PDE4A: variants seen among roughly 807,000 people sequenced by gnomAD.
The protein encoded by PDE4A is phosphodiesterase 4A.
PDE4A carries 21 observed loss-of-function variants against 73.9 expected under a neutral mutation model. The observed-to-expected ratio is 0.28, with a 90% CI of 0.20 to 0.41. The LOEUF is 0.41. Ranked by LOEUF, PDE4A falls within the 10% of genes least tolerant of loss-of-function variation. The pLI, the probability that PDE4A is intolerant of heterozygous loss-of-function variation, is 1.00. For missense variants in PDE4A, 958 were observed against 1,211.4 expected (o/e 0.79, Z 3.10); for synonymous variants, 463 against 505.4 (o/e 0.92, Z 1.13).
intron 3 of PDE4A, 22 bp downstream of exon 3, chr19:10,448,975 T>A (rs199577738): frequency 1.2e-6 from 2 of 1,613,002 alleles, no homozygotes; most frequent in Admixed American, 3.3e-5. Flanking sequence ...TCCCAAATGG[T>A]TAAGGAGAGA....
rs770031766 is a variant in PDE4A at position 10,467,361 on chromosome 19, G to A, written c.2401G>A (p.Glu801Lys). 12 of 1,614,072 alleles carry A rather than the reference G, an allele frequency of 7.4e-6. No homozygotes were observed. The highest frequency in any genetic ancestry group is 1.0e-5 in the Non-Finnish European group (12 of 1,180,044). The change falls in exon 15 of 15, where the codon GAA becomes AAA. Residue 801 changes from glutamate to lysine, a missense_variant. This residue lies in a region of PDE4A where 243 missense variants were observed against 245.9 expected (regional missense o/e 0.99). Transcript: ENST00000380702. The stretch of plus-strand genomic sequence containing the variant: ...TCCGGATGAGTTCTCGTCCCGGGAG[G>A]AATTCGTGGTTGCTGTAAGCCACAG... ...VAPDEFSSRE[E>K]FVVAVSHSSP... is the part of the protein sequence containing the mutation.
chr19:10,464,121 G>A (rs1285563563), intron 14 of PDE4A, 146 bp downstream of exon 14: 6 of 1,060,146 alleles, frequency 5.7e-6, no homozygotes, highest in East Asian at 2.6e-5. Context: ...TTTTTGAGAC[G>A]GAGTCTCATT....
chr19:10,464,324 C>T, intron 14 of PDE4A: 1 of 454,838 alleles, frequency 2.2e-6, no homozygotes, highest in Non-Finnish European at 4.4e-6. Flanking sequence ...TCTTGAACTC[C>T]TGACCTTGTG....
At chr19:10,419,171 G>A (rs2042616221), upstream of PDE4A, 1 of 821,836 alleles carries the variant, frequency 1.2e-6, no homozygotes, top group Non-Finnish European at 1.5e-6. Context: ...GGGGGCAGGG[G>A]TCTGGTCCCC....
At chr19:10,448,034 T>C (rs1269293146) in intron 2 of PDE4A, among the ~76,000 whole-genome samples, 1 of 152,062 alleles carries the variant, frequency 6.6e-6, no homozygotes, top group South Asian at 2.1e-4. Context: ...GGCAGAAGGA[T>C]TGCTTGAGCT....
chr19:10,434,501 C>T (rs538318581), intron 1 of PDE4A, among the ~76,000 whole-genome samples: 1 of 152,070 alleles, frequency 6.6e-6, no homozygotes, highest in Admixed American at 6.6e-5. Flanking sequence ...AGCCACCGTG[C>T]CTGGCCTCAG....
chr19:10,459,319 CA>C (rs1400847693), intron 8 of PDE4A, 80 bp from the exon 9 acceptor site: 1 of 1,601,436 alleles, frequency 6.2e-7, no homozygotes, highest in Non-Finnish European at 8.5e-7. Flanking sequence ...TCCTTCAGAC[CA>C]AGGCTTCAAA....
chr19:10,461,808 A>T, intron 12 of PDE4A, 69 bp from the exon 13 acceptor site: 2 of 1,583,164 alleles, frequency 1.3e-6, no homozygotes, highest in African/African-American at 1.3e-5. Context: ...ACCTGGTGAA[A>T]ACTTCAGAGG....
At chr19:10,456,482 C>T (rs1427107182) in intron 7 of PDE4A, among the ~76,000 whole-genome samples, 2 of 151,530 alleles carry the variant, frequency 1.3e-5, no homozygotes, top group Non-Finnish European at 2.9e-5. Flanking sequence ...GCTGAGATAG[C>T]GTCACTGCAC....
upstream of PDE4A, chr19:10,417,036 G>C (rs556219749): frequency 2.0e-5 from 30 of 1,532,436 alleles, no homozygotes; most frequent in Middle Eastern, 3.4e-4. Context: ...TCGCCCCTTG[G>C]GGGAGACTAG....
chr19:10,441,264 G>A (rs2042933770), intron 1 of PDE4A, among the ~76,000 whole-genome samples: 1 of 152,076 alleles, frequency 6.6e-6, no homozygotes, highest in South Asian at 2.1e-4. Flanking sequence ...GAGTAGCTGG[G>A]ACTATAGGTG....
intron 1 of PDE4A, among the ~76,000 whole-genome samples, chr19:10,440,493 A>G (rs2042922604): frequency 6.6e-6 from 1 of 152,146 alleles, no homozygotes; most frequent in East Asian, 1.9e-4. Context: ...GCACGATGTC[A>G]GCTCACTGCA....
Position 10,458,098 on chromosome 19 carries a change from C to G in PDE4A, c.1097C>G (p.Ala366Gly), listed in dbSNP as rs770692275. ...GVKTDQEELL[A>G]QELENLNKWG... ...AAGACCGATCAAGAAGAGCTCCTGGCCCAAGTGGGTGGGGGCTCAGTAGGG... is the reference window on the plus strand; with the variant it reads ...AAGACCGATCAAGAAGAGCTCCTGGGCCAAGTGGGTGGGGGCTCAGTAGGG... Residue 366 changes from alanine (A) to glycine (G), a missense_variant, in exon 8 of 15, where the codon GCC (alanine) becomes GGC (glycine). By Grantham distance (60) the Ala-to-Gly change is moderately conservative. This residue lies in a region of PDE4A where 570 missense variants were observed against 827.7 expected (regional missense o/e 0.69). Coordinates refer to ENST00000380702, the MANE Select transcript of PDE4A (RefSeq NM_001111307.2). This position sits in a 1 kb window ranked among gnomAD's most constrained non-coding sequence, Gnocchi z 4.6. 1.2e-6 allele frequency: 2 copies of G among 1,613,600 alleles called. No homozygotes were observed. The highest frequency in any genetic ancestry group is 1.7e-6 in the Non-Finnish European group (2 of 1,179,948).
intron 1 of PDE4A, chr19:10,428,840 TAG>T (rs1358523401): frequency 1.0e-6 from 1 of 985,224 alleles, no homozygotes; most frequent in African/African-American, 1.7e-5. Context: ...GACTCGAAAA[TAG>T]AGATTCACTG....
upstream of PDE4A, chr19:10,419,169 G>A (rs2042616197): frequency 2.3e-6 from 2 of 852,036 alleles, no homozygotes; most frequent in Non-Finnish European, 2.8e-6. Flanking sequence ...ACGGGGGCAG[G>A]GGTCTGGTCC....
At chr19:10,422,388 T>G (rs2042662815) in intron 1 of PDE4A, among the ~76,000 whole-genome samples, 1 of 152,214 alleles carries the variant, frequency 6.6e-6, no homozygotes, top group Non-Finnish European at 1.5e-5. Context: ...TGGTGTATCC[T>G]AAGAACTGGT....
intron 1 of PDE4A, among the ~76,000 whole-genome samples, chr19:10,437,807 G>A (rs1485630197): frequency 7.8e-6 from 1 of 128,068 alleles, no homozygotes; most frequent in Non-Finnish European, 1.6e-5. Flanking sequence ...CTCCAGGACT[G>A]TTTTTTTTTT....
At chr19:10,465,152 G>A (rs1332873922) in intron 14 of PDE4A, among the ~76,000 whole-genome samples, 1 of 151,888 alleles carries the variant, frequency 6.6e-6, no homozygotes, top group African/African-American at 2.4e-5. Context: ...GCTGCCGTGG[G>A]TATTACAGGA....
At chr19:10,417,971 T>G, upstream of PDE4A, 1 of 1,304,194 alleles carries the variant, frequency 7.7e-7, no homozygotes, top group Non-Finnish European at 1.0e-6. Flanking sequence ...CCCTGCCGTT[T>G]GCAAAACTAG....
Sources: gnomAD v4.1 joint callset for allele counts (sites outside exome capture counted in the v4.1 genomes callset) on GRCh38, gnomAD v4.1.1 for gene constraint, gnomAD v4.1.1 regional missense constraint, Gnocchi (gnomAD v3.1) non-coding constraint, MANE v1.5 for transcripts, NCBI Gene and HGNC (gene_info 2026-07-23, HGNC 2026-07-21) for gene names.